BNIPL: variants seen among roughly 807,000 people sequenced by gnomAD.
BNIPL encodes the protein BCL2 interacting protein like.
Under a neutral mutation model 47.0 loss-of-function variants are expected in BNIPL, and 33 were observed. That is an observed-to-expected ratio of 0.70 (90% CI 0.53 to 0.94). The LOEUF (loss-of-function observed/expected upper bound fraction) is 0.94. Ranked by LOEUF, BNIPL falls within the 40% of genes least tolerant of loss-of-function variation. The pLI is 0.00. For synonymous variants in BNIPL, 145 were observed against 162.7 expected, an observed-to-expected ratio of 0.89 and a Z score of 0.83; for missense variants, 404 against 445.2, an observed-to-expected ratio of 0.91 and a Z score of 0.83.
chr1:151,042,333 T>G (rs971510864), intron 4 of BNIPL, among the ~76,000 whole-genome samples: 38 of 151,960 alleles, frequency 2.5e-4, no homozygotes, highest in African/African-American at 9.2e-4. Flanking sequence ...CCCAGGCTGG[T>G]CTCAAACTCC....
In BNIPL at chr1:151,036,718, T is replaced by C. The variant is rs761791167; in HGVS notation, c.-8T>C. On this transcript the variant is annotated 5_prime_UTR_variant, in exon 1 of 10. Coordinates refer to ENST00000368931, the MANE Select transcript of BNIPL (RefSeq NM_138278.4). Reference sequence around the variant, plus strand: ...TGTTTAAAGAAGGAGGCAGGAAGACTTGTGAAGATGGGAACTATACAAGAG... The same window carrying C: ...TGTTTAAAGAAGGAGGCAGGAAGACCTGTGAAGATGGGAACTATACAAGAG... 5 of 1,609,832 alleles carry C rather than the reference T, an allele frequency of 3.1e-6. No homozygotes were observed. Among genetic ancestry groups the C allele is most frequent in the African/African-American group, 2.7e-5 (2 of 74,786 alleles).
In BNIPL at chr1:151,036,708, G is replaced by T. The variant is rs776825879; in HGVS notation, c.-18G>T. On this transcript the variant is annotated 5_prime_UTR_variant, in exon 1 of 10. Coordinates refer to ENST00000368931, the MANE Select transcript of BNIPL (RefSeq NM_138278.4). ...AACTCCTAGGTGTTTAAAGAAGGAGGCAGGAAGACTTGTGAAGATGGGAAC... is the reference window on the plus strand; with the variant it reads ...AACTCCTAGGTGTTTAAAGAAGGAGTCAGGAAGACTTGTGAAGATGGGAAC... 3.1e-6 allele frequency: 5 copies of T among 1,607,022 alleles called. No homozygotes were observed. In the South Asian group the frequency reaches 4.4e-5, roughly 14 times the overall value.
At position 151,043,004 on chromosome 1, in the gene BNIPL, G is replaced by A; in HGVS notation, c.482G>A (p.Arg161Lys). Reference protein sequence around the residue: ...EGLGTSETAERLGRGCMWDVT... With the variant: ...EGLGTSETAEKLGRGCMWDVT... ...CTGGGCACCAGTGAGACAGCTGAAA[G>A]GCTGGGCCGAGGTTGTATGTGGGAT... Residue 161 changes from arginine (R) to lysine (K), a missense_variant, in exon 5 of 10, where the codon AGG becomes AAG. Physicochemically the swap from Arg to Lys is conservative, Grantham distance 26. Coordinates refer to ENST00000368931, the MANE Select transcript of BNIPL (RefSeq NM_138278.4). The A allele has an allele frequency of 6.2e-7, 1 of 1,608,960 alleles. No individual in the cohort carries two copies. The highest frequency in any genetic ancestry group is 1.1e-5 in the South Asian group (1 of 90,174).
Position 151,037,574 on chromosome 1 carries a change from G to C in BNIPL, c.49G>C (p.Glu17Gln). The part of the protein sequence containing the change: ...AGKKTDVGVR[E>Q]IAEAPELGAA... ...TCTTGGGGGCTGTCTTAGGGTCAGG[G>C]AGATTGCAGAAGCACCAGAACTAGG... Residue 17 changes from glutamate to glutamine, a missense_variant, in exon 2 of 10, where the codon GAG becomes CAG. Transcript: ENST00000368931. The C allele has an allele frequency of 6.2e-7, 1 of 1,605,286 alleles. No individual in the cohort carries two copies. Among genetic ancestry groups the C allele is most frequent in the Non-Finnish European group, 8.5e-7 (1 of 1,175,724 alleles).
chr1:151,037,864 G>A (rs1675674361), intron 2 of BNIPL, among the ~76,000 whole-genome samples: 3 of 152,082 alleles, frequency 2.0e-5, no homozygotes, highest in South Asian at 4.1e-4. Context: ...GCCAGGTGTG[G>A]TGGCACATGC....
chr1:151,042,945 C>A lies in BNIPL; in HGVS notation c.434-11C>A. 6.6e-7 allele frequency: 1 copy of A among 1,526,382 alleles called. No homozygotes were observed. Among genetic ancestry groups the A allele is most frequent in the Non-Finnish European group, 8.7e-7 (1 of 1,144,356 alleles). 94.6% of individuals were successfully genotyped at this position (1,526,382 alleles called of 1,614,324 possible). On this transcript the variant is annotated splice_polypyrimidine_tract_variant and intron_variant, in intron 4 of 9. Transcript: ENST00000368931. ...CTGCCTTGTTGATCCTTCCCCATCC[C>A]TCTCTTTTAGATGAACTACCCCGGG...
intron 2 of BNIPL, 113 bp downstream of exon 2, chr1:151,037,775 T>A: frequency 2.5e-6 from 2 of 812,832 alleles, no homozygotes; most frequent in Middle Eastern, 3.7e-4. Flanking sequence ...CCGAGGCGGG[T>A]GGATCACCTG....
rs587763004 is a variant in BNIPL, at chr1:151,046,827, C to T, written c.*140C>T. 1 of 670,774 alleles carries T rather than the reference C, an allele frequency of 1.5e-6. No individual in the cohort carries two copies. The highest frequency in any genetic ancestry group is 2.3e-5 in the South Asian group (1 of 43,942). 41.6% of individuals were successfully genotyped at this position (670,774 alleles called of 1,614,324 possible). Reference sequence around the variant, plus strand: ...TCTTCACTTCTCAGTGGGATTTTGTCCTTTGCATGACCCTACTTTCAGCAG... The same window carrying T: ...TCTTCACTTCTCAGTGGGATTTTGTTCTTTGCATGACCCTACTTTCAGCAG... On this transcript the variant is annotated 3_prime_UTR_variant, in exon 10 of 10. Transcript: ENST00000368931.
Position 151,046,799 on chromosome 1 carries a change from G to T in BNIPL, c.*112G>T. The T allele has an allele frequency of 1.3e-6, 1 of 781,746 alleles. No homozygotes were observed. The highest frequency in any genetic ancestry group is 2.4e-5 in the South Asian group (1 of 41,992). The allele number at this position is 781,746 out of a possible 1,614,324, so 48.4% of individuals were successfully genotyped here. ...TCTTATCCCCAACCTCAGTACCACC[G>T]GATCTTCACTTCTCAGTGGGATTTT... On this transcript the variant is annotated 3_prime_UTR_variant, in exon 10 of 10. Coordinates refer to ENST00000368931, the MANE Select transcript of BNIPL (RefSeq NM_138278.4).
chr1:151,038,473 G>C (rs1399477484), intron 2 of BNIPL, 31 bp from the exon 3 acceptor site: 2 of 1,560,200 alleles, frequency 1.3e-6, no homozygotes, highest in Non-Finnish European at 1.8e-6. Flanking sequence ...TGGTGTATAT[G>C]TCTGCCGCCT....
rs960860600 is a variant in BNIPL at position 151,038,497 on chromosome 1, C to T, written c.138-7C>T. On this transcript the variant is annotated splice_polypyrimidine_tract_variant and splice_region_variant and intron_variant, in intron 2 of 9. Transcript: ENST00000368931. ...TGTCTGCCGCCTTTTAATCTCTTCC[C>T]CTCTAGATTGCTTCCTGAGGAGGCT... 6.2e-6 allele frequency: 10 copies of T among 1,608,464 alleles called. No homozygotes were observed. In the African/African-American group the frequency reaches 1.1e-4, roughly 17 times the overall value.
chr1:151,037,115 T>A (rs1675631764), intron 1 of BNIPL, among the ~76,000 whole-genome samples: 1 of 152,194 alleles, frequency 6.6e-6, no homozygotes. Context: ...AGGTTCTCGT[T>A]CTGGCAAATC....
chr1:151,036,894 G>T (rs1675619915), intron 1 of BNIPL, 128 bp downstream of exon 1: 3 of 928,860 alleles, frequency 3.2e-6, no homozygotes, highest in Admixed American at 2.0e-5. Flanking sequence ...AAGAGAGTTT[G>T]CAGAGAAGAG....
At chr1:151,044,358 T>G (rs751891236) in intron 7 of BNIPL, among the ~76,000 whole-genome samples, 1 of 152,210 alleles carries the variant, frequency 6.6e-6, no homozygotes, top group Non-Finnish European at 1.5e-5. Flanking sequence ...ATCGAGTAAA[T>G]TAGTGTGGCA....
At chr1:151,039,748 GT>G (rs587748054) in intron 4 of BNIPL, among the ~76,000 whole-genome samples, 1 of 152,136 alleles carries the variant, frequency 6.6e-6, no homozygotes, top group South Asian at 2.1e-4. Context: ...GTCATGATAA[GT>G]TTTTTTGTTT....
chr1:151,038,000 CAAAAAAAAAAAA>C (rs58423611), intron 2 of BNIPL, among the ~76,000 whole-genome samples: 10 of 63,932 alleles, frequency 1.6e-4, no homozygotes, highest in African/African-American at 3.7e-4. Context: ...AACTCTGTCT[CAAAAAAAAAAAA>C]AAAAAAAAAA....
At chr1:151,046,384 T>G in intron 9 of BNIPL, among the ~76,000 whole-genome samples, 1 of 149,676 alleles carries the variant, frequency 6.7e-6, no homozygotes. Flanking sequence ...AACCTATACA[T>G]ATAAGTGCAG....
chr1:151,040,061 T>C (rs1675764146), intron 4 of BNIPL, among the ~76,000 whole-genome samples: 1 of 152,120 alleles, frequency 6.6e-6, no homozygotes, highest in South Asian at 2.1e-4. Flanking sequence ...CAGTAAGGTT[T>C]TAATCAAAGG....
intron 7 of BNIPL, 189 bp from the exon 8 acceptor site, chr1:151,045,608 C>CA (rs1263893121): frequency 2.4e-6 from 2 of 827,584 alleles, no homozygotes; most frequent in Non-Finnish European, 3.4e-6. Context: ...AAATGAGGAT[C>CA]ATGGAGGGCT....
Sources: gnomAD v4.1 joint callset for allele counts (sites outside exome capture counted in the v4.1 genomes callset) on GRCh38, gnomAD v4.1.1 for gene constraint, MANE v1.5 for transcripts, NCBI Gene and HGNC (gene_info 2026-07-23, HGNC 2026-07-21) for gene names.